PIK3C2G: variants seen among roughly 807,000 people sequenced by gnomAD.
The protein encoded by PIK3C2G is phosphatidylinositol-4-phosphate 3-kinase catalytic subunit type 2 gamma.
In PIK3C2G, 168 loss-of-function variants were observed where a neutral mutation model predicts 181.1. The observed-to-expected ratio is 0.93, with a 90% confidence interval of 0.82 to 1.05. The LOEUF (loss-of-function observed/expected upper bound fraction) is 1.05, where lower values mean the gene tolerates loss of function less well. PIK3C2G is among the 50% of genes least tolerant of loss of function. The pLI, the probability that PIK3C2G is intolerant of heterozygous loss-of-function variation, is 0.00. For synonymous variants in PIK3C2G, 573 were observed against 592.2 expected, an observed-to-expected ratio of 0.97 and a Z score of 0.47; for missense variants, 1,869 against 1,732.8, an observed-to-expected ratio of 1.08 and a Z score of -1.40.
At chr12:18,611,332 T>C (rs1404791545) in intron 31 of PIK3C2G, among the ~76,000 whole-genome samples, 2 of 152,102 alleles carry the variant, frequency 1.3e-5, no homozygotes, top group South Asian at 2.1e-4. Context: ...TTACTAATGA[T>C]GTAGTAATAC....
rs115131835 is a variant in PIK3C2G at position 18,566,516 on chromosome 12, G to A, written c.3903-433G>A. Among the ~76,000 whole-genome samples the A allele has an allele frequency of 9.0e-3, 1,368 of 152,264 alleles. 17 individuals carry two copies. Among genetic ancestry groups the A allele is most frequent in the African/African-American group, 0.031 (1,295 of 41,566 alleles). On this transcript the variant is annotated intron_variant, in intron 28 of 32. Coordinates refer to ENST00000538779, the MANE Select transcript of PIK3C2G (RefSeq NM_001288772.2). ...TCTAGAAGGCTAAGAGCAGATGGAC[G>A]CATATGTCACTTGCTAAAATGCTTA...
At chr12:18,685,716 AG>A in the PIK3C2G span, 5 of 496,530 alleles carry the variant, frequency 1.0e-5, no homozygotes, top group Non-Finnish European at 2.0e-5. Context: ...AATTCTTTAT[AG>A]ATACTGCAAA....
Position 18,488,488 on chromosome 12 carries a change from C to T in PIK3C2G, c.2544C>T (p.Ser848=). 1 of 1,538,980 alleles carries T rather than the reference C, an allele frequency of 6.5e-7. No individual in the cohort carries two copies. The highest frequency in any genetic ancestry group is 8.7e-7 in the Non-Finnish European group (1 of 1,144,882). ...KNAENEAYFK[S]WYQKLLAALQ... ...CAGAAAATGAAGCTTATTTTAAAAG[C>T]TGGTATCAGAAGCTACTAGCTGCTC... Residue 848 remains serine, a synonymous_variant, in exon 19 of 33, where the codon AGC becomes AGT. Coordinates refer to ENST00000538779, the MANE Select transcript of PIK3C2G (RefSeq NM_001288772.2).
rs550049927 is a variant in PIK3C2G at position 18,281,757 on chromosome 12, C to G, written c.-78-247C>G. Reference sequence around the variant, plus strand: ...ACTTTGAATAGACTCATGAAACTTTCATTAAAATTGACGTGAACTTATTTT... The same window carrying G: ...ACTTTGAATAGACTCATGAAACTTTGATTAAAATTGACGTGAACTTATTTT... On this transcript the variant is annotated intron_variant, in intron 1 of 32. Coordinates refer to ENST00000538779, the MANE Select transcript of PIK3C2G (RefSeq NM_001288772.2). Among the ~76,000 whole-genome samples, 406 of 152,148 alleles carry G rather than the reference C, an allele frequency of 2.7e-3. 2 individuals carry two copies. The highest frequency in any genetic ancestry group is 9.2e-3 in the African/African-American group (384 of 41,538).
At chr12:18,365,243 C>T (rs910337721) in intron 12 of PIK3C2G, among the ~76,000 whole-genome samples, 1 of 152,144 alleles carries the variant, frequency 6.6e-6, no homozygotes, top group South Asian at 2.1e-4. Context: ...GTATTTACAT[C>T]CCATGAATAG....
upstream of PIK3C2G, among the ~76,000 whole-genome samples, chr12:18,244,400 G>A (rs937145244): frequency 2.0e-5 from 3 of 151,836 alleles, no homozygotes; most frequent in African/African-American, 7.3e-5. Context: ...TGGAATACTG[G>A]GGGTTCTTGA....
intron 5 of PIK3C2G, among the ~76,000 whole-genome samples, chr12:18,300,350 G>A (rs1269491623): frequency 6.6e-6 from 1 of 151,886 alleles, no homozygotes; most frequent in East Asian, 1.9e-4. Context: ...TTGCTGAATT[G>A]ATCCCACTGT....
rs1475561191 is a variant in PIK3C2G at position 18,584,020 on chromosome 12, T to A, written c.4012-10474T>A. ...AATAGACAGTTTTTTAAATAGACAGTTTTTTTGTTTTTTTGTTTTTTTTTT... is the reference window on the plus strand; with the variant it reads ...AATAGACAGTTTTTTAAATAGACAGATTTTTTGTTTTTTTGTTTTTTTTTT... On this transcript the variant is annotated intron_variant, in intron 29 of 32. Transcript: ENST00000538779. Among the ~76,000 whole-genome samples, 3 of 145,342 alleles carry A rather than the reference T, an allele frequency of 2.1e-5. No individual in the cohort carries two copies. In the East Asian group the frequency reaches 6.1e-4, roughly 30 times the overall value.
chr12:18,286,793 A>T, intron 2 of PIK3C2G, 54 bp from the exon 3 acceptor site: 5 of 936,558 alleles, frequency 5.3e-6, no homozygotes, highest in Non-Finnish European at 4.8e-6. Flanking sequence ...TTGTAGAATT[A>T]TTTAATAGTT....
intron 1 of PIK3C2G, among the ~76,000 whole-genome samples, chr12:18,264,652 A>G: frequency 6.6e-6 from 1 of 151,786 alleles, no homozygotes; most frequent in Admixed American, 6.6e-5. Context: ...GAATAGGAGT[A>G]ATTTTTTTTT....
chr12:18,586,884 G>A (rs1788438939), intron 29 of PIK3C2G, among the ~76,000 whole-genome samples: 1 of 152,068 alleles, frequency 6.6e-6, no homozygotes, highest in African/African-American at 2.4e-5. Flanking sequence ...TCATCCCTGG[G>A]ATGAAAGGTT....
intron 16 of PIK3C2G, among the ~76,000 whole-genome samples, chr12:18,401,973 T>C (rs1944271447): frequency 6.6e-6 from 1 of 152,104 alleles, no homozygotes; most frequent in Non-Finnish European, 1.5e-5. Flanking sequence ...GACAGTTTCT[T>C]AAGTGTTAAA....
chr12:18,675,561 C>A, the PIK3C2G span, among the ~76,000 whole-genome samples: 1 of 152,132 alleles, frequency 6.6e-6, no homozygotes, highest in Non-Finnish European at 1.5e-5. Flanking sequence ...CAAAAACATA[C>A]CTGCACCTGT....
intron 18 of PIK3C2G, among the ~76,000 whole-genome samples, chr12:18,440,634 TG>T (rs1946694164): frequency 6.6e-6 from 1 of 151,956 alleles, no homozygotes; most frequent in African/African-American, 2.4e-5. Flanking sequence ...CTATTTGGGG[TG>T]TTGGGAGGAC....
At chr12:18,533,901 GA>G (rs1279493268) in intron 24 of PIK3C2G, among the ~76,000 whole-genome samples, 9 of 148,012 alleles carry the variant, frequency 6.1e-5, no homozygotes, top group Admixed American at 6.1e-4. Context: ...GAAAACATGT[GA>G]AAGTAATAAA....
At chr12:18,579,031 G>A (rs2136412472) in intron 29 of PIK3C2G, among the ~76,000 whole-genome samples, 1 of 152,046 alleles carries the variant, frequency 6.6e-6, no homozygotes, top group African/African-American at 2.4e-5. Context: ...CCCAATTTTA[G>A]TTACGTGATA....
intron 30 of PIK3C2G, 134 bp downstream of exon 30, chr12:18,594,703 C>T: frequency 2.1e-6 from 1 of 465,212 alleles, no homozygotes. Context: ...TCTTTTCTAA[C>T]CATTTCCATA....
rs1942863125 is a variant in PIK3C2G at position 18,520,791 on chromosome 12, A to G, written c.3323+15330A>G. Among the ~76,000 whole-genome samples, 4 of 152,026 alleles carry G rather than the reference A, an allele frequency of 2.6e-5. No homozygotes were observed. In the South Asian group the frequency reaches 8.3e-4, roughly 32 times the overall value. On this transcript the variant is annotated intron_variant, in intron 24 of 32. Transcript: ENST00000538779. ...GTGTTGCAGTCAGTTGTAGGAGATG[A>G]GGCACTCTGGCCTTTTGGATTTTCA...
the PIK3C2G span, among the ~76,000 whole-genome samples, chr12:18,686,240 ACTT>A: frequency 2.0e-5 from 3 of 151,846 alleles, no homozygotes; most frequent in East Asian, 1.9e-4. Flanking sequence ...CCTCTCGTAT[ACTT>A]CTTCTCAAAT....
Sources: gnomAD v4.1 joint callset for allele counts (sites outside exome capture counted in the v4.1 genomes callset) on GRCh38, gnomAD v4.1.1 for gene constraint, MANE v1.5 for transcripts, NCBI Gene and HGNC (gene_info 2026-07-23, HGNC 2026-07-21) for gene names.